The following CAD variants were observed in gnomAD, a reference collection of about 807,000 sequenced individuals.
CAD encodes multifunctional protein CAD.
CAD carries 81 observed loss-of-function variants against 237.2 expected under a neutral mutation model. The ratio of observed to expected loss-of-function variants is 0.34; its 90% CI spans 0.29 to 0.41. The LOEUF is 0.41. Ranked by LOEUF, CAD falls within the 10% of genes least tolerant of loss-of-function variation. The probability of loss-of-function intolerance (pLI) is 1.00; values close to 1 mark genes in which losing one functional copy is unlikely to be tolerated. For missense variants in CAD, 2,181 were observed against 2,951.7 expected, an observed-to-expected ratio of 0.74 and a Z score of 6.05; for synonymous variants, 1,196 against 1,162.8, an observed-to-expected ratio of 1.03 and a Z score of -0.58.
In CAD at chr2:27,235,270, TGGC is replaced by T; in HGVS notation, c.3815_3817del (p.Ala1272del). The T allele has an allele frequency of 6.2e-7, 1 of 1,611,050 alleles. No individual in the cohort carries two copies. Among genetic ancestry groups the T allele is most frequent in the Non-Finnish European group, 8.5e-7 (1 of 1,178,720 alleles). ...GTGCCTCAGTTCTCCTTCTCCCGCT[TGGC>T]GGGTGCTGACGTGGTGTTGGGTGTG... On this transcript the variant is annotated inframe_deletion, in exon 24 of 44. Transcript: ENST00000264705. The surrounding 1 kb of genome is among the most constrained non-coding windows in gnomAD (Gnocchi z 5.2).
At position 27,224,406 on chromosome 2, in the gene CAD, TC is replaced by T. The variant is rs2148063184; in HGVS notation, c.1172del (p.Pro391HisfsTer7). ...PGIPTPGSGL[P>X]PPRKVLILGS... is the part of the protein sequence containing the mutation. ...GGATTCCCACTCCCGGCTCTGGACTTCCACCACCACGAAAGGTTCTGATCCT... is the reference window on the plus strand; with the variant it reads ...GGATTCCCACTCCCGGCTCTGGACTTCACCACCACGAAAGGTTCTGATCCT... On this transcript the variant is annotated frameshift_variant, in exon 9 of 44. Transcript: ENST00000264705. LOFTEE classifies it high-confidence loss of function. The T allele has an allele frequency of 1.2e-6, 2 of 1,614,196 alleles. No homozygotes were observed. The highest frequency in any genetic ancestry group is 1.7e-6 in the Non-Finnish European group (2 of 1,180,026).
chr2:27,228,108 G>T (rs1675530927), intron 15 of CAD, among the ~76,000 whole-genome samples: 1 of 152,204 alleles, frequency 6.6e-6, no homozygotes, highest in South Asian at 2.1e-4. Flanking sequence ...AAATGTAAAT[G>T]TTAGGATTGT....
Position 27,243,469 on chromosome 2 carries a change from G to C in CAD, c.6629G>C (p.Gly2210Ala), listed in dbSNP as rs1320811672. The C allele has an allele frequency of 3.7e-6, 6 of 1,609,998 alleles. No homozygotes were observed. In the Admixed American group the frequency reaches 5.0e-5, roughly 14 times the overall value. ...RAAYFRQAEN[G>A]MYIRMALLAT... ...GCCTACTTCCGCCAGGCTGAGAACGGCATGTACATCCGCATGGCTCTGTTA... is the reference window on the plus strand; with the variant it reads ...GCCTACTTCCGCCAGGCTGAGAACGCCATGTACATCCGCATGGCTCTGTTA... Residue 2210 changes from glycine (G) to alanine (A), a missense_variant, in exon 44 of 44, where the codon GGC becomes GCC. This residue lies in a region of CAD where 170 missense variants were observed against 212.1 expected (regional missense o/e 0.80). Coordinates refer to ENST00000264705, the MANE Select transcript of CAD (RefSeq NM_004341.5).
intron 15 of CAD, among the ~76,000 whole-genome samples, chr2:27,229,415 A>G (rs1308869136): frequency 1.3e-5 from 2 of 151,650 alleles, no homozygotes; most frequent in African/African-American, 2.4e-5. Context: ...ACAGGTGTAC[A>G]CCACCACACC....
chr2:27,233,625 G>T lies in CAD; in HGVS notation c.3217-1G>T. On this transcript the variant is annotated splice_acceptor_variant, in intron 20 of 43. Coordinates refer to ENST00000264705, the MANE Select transcript of CAD (RefSeq NM_004341.5). LOFTEE classifies it high-confidence loss of function. The surrounding 1 kb of genome is among the most constrained non-coding windows in gnomAD (Gnocchi z 6.3). ...TCAGCTAAGCTCCCTGCCTCCTGTA[G>T]TCTGCTCGCCAATTCTGCCAGACCG... The T allele has an allele frequency of 6.2e-7, 1 of 1,614,128 alleles. No individual in the cohort carries two copies. The highest frequency in any genetic ancestry group is 8.5e-7 in the Non-Finnish European group (1 of 1,180,050).
Position 27,226,873 on chromosome 2 carries a change from T to C in CAD, c.2198T>C (p.Val733Ala), listed in dbSNP as rs1675469270. The change falls in exon 15 of 44, where the codon GTG (valine) becomes GCG (alanine). Residue 733 changes from valine (V) to alanine (A), a missense_variant. Physicochemically the swap from Val to Ala is moderately conservative, Grantham distance 64. Around this residue, in one of 12 missense-constraint regions of CAD, gnomAD observed 385 missense variants for 535.1 expected, o/e 0.72. Transcript: ENST00000264705. ...TGGTAAFEPS[V>A]DYCVVKIPRW... is the part of the protein sequence containing the mutation. ...GGTACAGCAGCCTTTGAACCCAGCGTGGATTATTGTGTGGTGAAGATTCCT... is the reference window on the plus strand; with the variant it reads ...GGTACAGCAGCCTTTGAACCCAGCGCGGATTATTGTGTGGTGAAGATTCCT... The C allele has an allele frequency of 6.2e-7, 1 of 1,613,930 alleles. No homozygotes were observed. Among genetic ancestry groups the C allele is most frequent in the Non-Finnish European group, 8.5e-7 (1 of 1,179,998 alleles).
chr2:27,232,610 A>G lies in CAD; in HGVS notation c.2808A>G (p.Leu936=). 3 of 1,614,152 alleles carry G rather than the reference A, an allele frequency of 1.9e-6. No individual in the cohort carries two copies. Among genetic ancestry groups the G allele is most frequent in the Non-Finnish European group, 2.5e-6 (3 of 1,180,024 alleles). Residue 936 remains leucine (L), a synonymous_variant, in exon 18 of 44, where the codon CTA becomes CTG. Transcript: ENST00000264705. The surrounding 1 kb of genome is among the most constrained non-coding windows in gnomAD (Gnocchi z 4.1). ...TCACCTTTCGAACACCTCATGTCCTAGTCCTTGGCTCTGGCGTCTACCGTA... is the reference window on the plus strand; with the variant it reads ...TCACCTTTCGAACACCTCATGTCCTGGTCCTTGGCTCTGGCGTCTACCGTA... ...HDLTFRTPHV[L]VLGSGVYRIG...
chr2:27,218,679 TTC>T (rs57747492), intron 2 of CAD, among the ~76,000 whole-genome samples: 8,698 of 152,248 alleles, frequency 0.057, 297 homozygotes, highest in African/African-American at 0.087. Context: ...AAAACTGAGT[TTC>T]TTCCTACAGT....
In CAD at chr2:27,238,611, G is replaced by A; in HGVS notation, c.5041G>A (p.Asp1681Asn). 3 of 1,612,574 alleles carry A rather than the reference G, an allele frequency of 1.9e-6. No individual in the cohort carries two copies. The highest frequency in any genetic ancestry group is 1.3e-5 in the African/African-American group (1 of 75,026). ...CCTGTGGGAGAACATGGCTGTCATC[G>A]ACTGCTTTGCCTCAGACCATGGTGA... ...EALWENMAVI[D>N]CFASDHAPHT... The change falls in exon 31 of 44, where the codon GAC (aspartate) becomes AAC (asparagine). Residue 1681 changes from aspartate (D) to asparagine (N), a missense_variant. This residue lies in a region of CAD where 478 missense variants were observed against 515.0 expected (regional missense o/e 0.93). Transcript: ENST00000264705.
chr2:27,221,876 G>T (rs1487696007), intron 3 of CAD, among the ~76,000 whole-genome samples: 1 of 140,848 alleles, frequency 7.1e-6, no homozygotes, highest in Non-Finnish European at 1.5e-5. Flanking sequence ...TTGAAAACAG[G>T]TCATTTTTCC....
chr2:27,233,804 C>T lies in CAD; in HGVS notation c.3395C>T (p.Ala1132Val), dbSNP rs762156539. ...PVVISKFIQE[A>V]KEIDVDAVAS... ...GTCATCTCCAAGTTCATCCAGGAGG[C>T]TAAGGTGGGAGGCTGCAGACAGTGA... The change falls in exon 21 of 44, where the codon GCT becomes GTT. Residue 1132 changes from alanine to valine, a missense_variant. Ala to Val is a moderately conservative substitution (Grantham distance 64, BLOSUM62 0). Coordinates refer to ENST00000264705, the MANE Select transcript of CAD (RefSeq NM_004341.5). This position sits in a 1 kb window ranked among gnomAD's most constrained non-coding sequence, Gnocchi z 6.3. The T allele has an allele frequency of 6.2e-7, 1 of 1,613,672 alleles. No individual in the cohort carries two copies.
intron 2 of CAD, among the ~76,000 whole-genome samples, chr2:27,219,729 A>G (rs1260531551): frequency 6.6e-6 from 1 of 152,062 alleles, no homozygotes; most frequent in African/African-American, 2.4e-5. Flanking sequence ...AGCTGGGATT[A>G]CAGGCATGGG....
Position 27,237,007 on chromosome 2 carries a change from T to C in CAD, c.4396+177T>C, listed in dbSNP as rs2148085754. Among the ~76,000 whole-genome samples, 1 of 151,348 alleles carries C rather than the reference T, an allele frequency of 6.6e-6. No homozygotes were observed. The highest frequency in any genetic ancestry group is 2.4e-5 in the African/African-American group (1 of 40,910). Reference sequence around the variant, plus strand: ...TAATCCACAGTGTCCACAGTGGCCTTGTCTGAGGAATTTTTTTTTTTTTTT... The same window carrying C: ...TAATCCACAGTGTCCACAGTGGCCTCGTCTGAGGAATTTTTTTTTTTTTTT... On this transcript the variant is annotated intron_variant, in intron 27 of 43. Coordinates refer to ENST00000264705, the MANE Select transcript of CAD (RefSeq NM_004341.5). The surrounding 1 kb of genome is among the most constrained non-coding windows in gnomAD (Gnocchi z 4.0).
At chr2:27,220,831 G>A (rs1490921478) in intron 2 of CAD, among the ~76,000 whole-genome samples, 2 of 151,960 alleles carry the variant, frequency 1.3e-5, no homozygotes, top group African/African-American at 4.8e-5. Context: ...GGTGGCGGGC[G>A]CCTGTAGTCC....
At chr2:27,227,421 A>G (rs1675492747) in intron 15 of CAD, 1 of 158,488 alleles carries the variant, frequency 6.3e-6, no homozygotes, top group South Asian at 1.9e-4. Context: ...CCTCTAACAC[A>G]TTTCAACCAA....
chr2:27,221,853 C>T (rs1323382838), intron 3 of CAD, among the ~76,000 whole-genome samples: 1 of 134,618 alleles, frequency 7.4e-6, no homozygotes, highest in Non-Finnish European at 1.6e-5. Context: ...AATCTGTGGA[C>T]CTTGTAACCT....
At chr2:27,222,414 A>G in intron 4 of CAD, 78 bp downstream of exon 4, 1 of 1,583,040 alleles carries the variant, frequency 6.3e-7, no homozygotes, top group South Asian at 1.1e-5. Flanking sequence ...GGGTGAACAC[A>G]GGAGAGAATC....
intron 14 of CAD, 51 bp from the exon 15 acceptor site, chr2:27,226,781 C>G: frequency 6.2e-7 from 1 of 1,609,286 alleles, no homozygotes; most frequent in Non-Finnish European, 8.5e-7. Flanking sequence ...GGAAGCTCAC[C>G]CTTTATGCTT....
chr2:27,227,928 G>A (rs899643846), intron 15 of CAD, among the ~76,000 whole-genome samples: 3 of 152,170 alleles, frequency 2.0e-5, no homozygotes, highest in Non-Finnish European at 4.4e-5. Flanking sequence ...TAATTCAGCC[G>A]TGTATCTACG....
Sources: allele counts gnomAD v4.1 joint callset (sites outside exome capture counted in the v4.1 genomes callset), GRCh38; gene constraint gnomAD v4.1.1; regional missense constraint gnomAD v4.1.1; non-coding constraint Gnocchi (gnomAD v3.1); transcripts MANE v1.5; gene names NCBI Gene and HGNC (gene_info 2026-07-23, HGNC 2026-07-21).